FSTL5: variants seen among roughly 807,000 people sequenced by gnomAD.
The protein encoded by FSTL5 is follistatin like 5, also known as follistatin-related protein 5.
A neutral mutation model predicts 89.1 loss-of-function variants in FSTL5; 62 were observed. The observed-to-expected ratio is 0.70, with a 90% CI of 0.57 to 0.86. The LOEUF is 0.86. Among genes scored for constraint, FSTL5 ranks in the 40% least tolerant of loss-of-function variants. The pLI is 0.00. For synonymous variants in FSTL5, 383 were observed against 346.2 expected (o/e 1.11, Z -1.18); for missense variants, 1,057 against 1,001.6 (o/e 1.06, Z -0.75).
chr4:161,874,566 A>ATTTTTTTTTTTTT (rs375519679), intron 4 of FSTL5, among the ~76,000 whole-genome samples: 2 of 135,664 alleles, frequency 1.5e-5, no homozygotes, highest in South Asian at 2.3e-4. Context: ...TATATTTTAG[A>ATTTTTTTTTTTTT]TTTTTTTTTT....
chr4:161,989,343 T>C (rs1687674441), intron 3 of FSTL5, among the ~76,000 whole-genome samples: 1 of 152,166 alleles, frequency 6.6e-6, no homozygotes, highest in Admixed American at 6.5e-5. Flanking sequence ...ATCAATATGC[T>C]TTGGAAACAT....
intron 6 of FSTL5, among the ~76,000 whole-genome samples, chr4:161,681,971 C>T (rs1737540272): frequency 6.6e-6 from 1 of 152,122 alleles, no homozygotes; most frequent in African/African-American, 2.4e-5. Context: ...GACTACTATA[C>T]ACCTGCAGTA....
At chr4:162,034,408 G>A (rs1210426613) in intron 2 of FSTL5, among the ~76,000 whole-genome samples, 1 of 152,042 alleles carries the variant, frequency 6.6e-6, no homozygotes, top group South Asian at 2.1e-4. Flanking sequence ...AACTGTCTTT[G>A]CTTTAGTTTA....
intron 15 of FSTL5, among the ~76,000 whole-genome samples, chr4:161,415,774 G>GATATATATATGATATATATACACAT (rs1560884060): frequency 7.0e-6 from 1 of 141,940 alleles, no homozygotes; most frequent in Non-Finnish European, 1.5e-5. Flanking sequence ...ACATATAGGG[G>GATATATATATGATATATATACACAT]ATATATATAT....
chr4:161,940,555 C>A (rs910701391), intron 3 of FSTL5, among the ~76,000 whole-genome samples: 1 of 150,970 alleles, frequency 6.6e-6, no homozygotes, highest in Non-Finnish European at 1.5e-5. Flanking sequence ...AACTTCAATA[C>A]AAATAACAGC....
At chr4:162,120,000 TAATA>T (rs773994444) in intron 1 of FSTL5, among the ~76,000 whole-genome samples, 5 of 152,108 alleles carry the variant, frequency 3.3e-5, no homozygotes, top group Non-Finnish European at 5.9e-5. Flanking sequence ...TAATTTTAAG[TAATA>T]AATAAAAAGA....
At chr4:161,553,745 A>G (rs1320480770) in intron 8 of FSTL5, among the ~76,000 whole-genome samples, 1 of 151,582 alleles carries the variant, frequency 6.6e-6, no homozygotes, top group Non-Finnish European at 1.5e-5. Context: ...ATAATGTATA[A>G]GGCATATTAG....
At chr4:161,874,023 T>C (rs1732359142) in intron 4 of FSTL5, among the ~76,000 whole-genome samples, 1 of 152,096 alleles carries the variant, frequency 6.6e-6, no homozygotes, top group Non-Finnish European at 1.5e-5. Context: ...TTTCTCTTAG[T>C]ATATGGAAGG....
At chr4:162,138,534 ACT>A (rs1169952644) in intron 1 of FSTL5, among the ~76,000 whole-genome samples, 1 of 152,066 alleles carries the variant, frequency 6.6e-6, no homozygotes, top group Non-Finnish European at 1.5e-5. Flanking sequence ...AAATATCAAG[ACT>A]CTCATACTTA....
At chr4:161,897,562 C>A (rs1313783959) in intron 4 of FSTL5, among the ~76,000 whole-genome samples, 1 of 113,960 alleles carries the variant, frequency 8.8e-6, no homozygotes, top group East Asian at 2.4e-4. Flanking sequence ...GCAGCAAGAG[C>A]GAAACTCCGT....
chr4:162,066,355 C>CTTCTTCTTCTTCCT (rs1553996329), intron 2 of FSTL5, among the ~76,000 whole-genome samples: 1 of 61,166 alleles, frequency 1.6e-5, no homozygotes, highest in Non-Finnish European at 3.4e-5. Flanking sequence ...TTCTTCTTCT[C>CTTCTTCTTCTTCCT]CTTCTTCTTC....
chr4:161,937,745 C>G (rs967294838), intron 3 of FSTL5, among the ~76,000 whole-genome samples: 3 of 152,138 alleles, frequency 2.0e-5, no homozygotes, highest in African/African-American at 7.2e-5. Flanking sequence ...GGTATTTCTG[C>G]TTTAGCATGC....
intron 6 of FSTL5, among the ~76,000 whole-genome samples, chr4:161,664,413 A>G (rs1160169657): frequency 6.6e-6 from 1 of 152,084 alleles, no homozygotes; most frequent in Non-Finnish European, 1.5e-5. Context: ...CCCAAGTTCA[A>G]AGTTTCACAA....
At chr4:161,735,364 C>G (rs1416729225) in intron 6 of FSTL5, among the ~76,000 whole-genome samples, 2 of 152,098 alleles carry the variant, frequency 1.3e-5, no homozygotes, top group Non-Finnish European at 2.9e-5. Flanking sequence ...TTTATGGAGA[C>G]TTCATTATTG....
intron 15 of FSTL5, among the ~76,000 whole-genome samples, chr4:161,451,401 CA>C (rs1733158531): frequency 6.6e-6 from 1 of 151,986 alleles, no homozygotes; most frequent in Non-Finnish European, 1.5e-5. Flanking sequence ...AAATTACAGG[CA>C]CAGAAACAGA....
At chr4:162,049,234 G>A (rs569539390) in intron 2 of FSTL5, among the ~76,000 whole-genome samples, 4 of 152,242 alleles carry the variant, frequency 2.6e-5, no homozygotes, top group Non-Finnish European at 5.9e-5. Flanking sequence ...AGAAAGCTTT[G>A]AAGATTTGCT....
At position 161,531,119 on chromosome 4, in the gene FSTL5, A is replaced by G. The variant is rs138235679; in HGVS notation, c.1312+7047T>C. ...AAACCTATCTCTAATGTAACTGTAGAGTATATTATTTTGAAGCACATATTT... is the reference window on the plus strand; with the variant it reads ...AAACCTATCTCTAATGTAACTGTAGGGTATATTATTTTGAAGCACATATTT... On this transcript the variant is annotated intron_variant, in intron 10 of 15. Transcript: ENST00000306100. Among the ~76,000 whole-genome samples the G allele has an allele frequency of 4.6e-3, 696 of 152,284 alleles. 12 individuals are homozygous for G. The South Asian group carries it at 0.054, about 12-fold the overall frequency.
In FSTL5 at chr4:161,656,734, A is replaced by C. The variant is rs538200321; in HGVS notation, c.728-240T>G. ...TATTAAGCATGAAATGAATATCAGAAGTAGAGTTATAATAAGCCTGGCAGA... is the reference window on the plus strand; with the variant it reads ...TATTAAGCATGAAATGAATATCAGACGTAGAGTTATAATAAGCCTGGCAGA... On this transcript the variant is annotated intron_variant, in intron 6 of 15. Coordinates refer to ENST00000306100, the MANE Select transcript of FSTL5 (RefSeq NM_020116.5). 1.4e-4 allele frequency among the ~76,000 whole-genome samples: 22 copies of C among 152,312 alleles called. No individual in the cohort carries two copies. In the South Asian group the frequency reaches 4.6e-3, roughly 32 times the overall value.
At position 161,759,507 on chromosome 4, in the gene FSTL5, T is replaced by A; in HGVS notation, c.631A>T (p.Lys211Ter). The part of the protein sequence containing the change: ...TQVIKQEELG[K>*]DLFDCTLYVL... ...TACAAAGTACAATCAAAGAGATCCT[T>A]GCCAAGTTCTTCCTGTTTTATCACC... Residue 211 changes from lysine (K) to a stop codon, truncating the protein, a stop_gained, in exon 6 of 16, where the codon AAG becomes TAG. Transcript: ENST00000306100. LOFTEE classifies it high-confidence loss of function. 1 of 1,567,986 alleles carries A rather than the reference T, an allele frequency of 6.4e-7. No individual in the cohort carries two copies. The highest frequency in any genetic ancestry group is 1.9e-5 in the Admixed American group (1 of 53,846).
Sources: allele counts gnomAD v4.1 joint callset (sites outside exome capture counted in the v4.1 genomes callset), GRCh38; gene constraint gnomAD v4.1.1; transcripts MANE v1.5; gene names NCBI Gene and HGNC (gene_info 2026-07-23, HGNC 2026-07-21).